The following KAZN variants were observed in gnomAD, a reference collection of about 807,000 sequenced individuals.
KAZN encodes kazrin.
In KAZN, 40 loss-of-function variants were observed where a neutral mutation model predicts 87.4. The ratio of observed to expected loss-of-function variants is 0.46; its 90% CI spans 0.36 to 0.60. The LOEUF (loss-of-function observed/expected upper bound fraction) is 0.60, where lower values mean the gene tolerates loss of function less well. Ranked by LOEUF, KAZN falls within the 20% of genes least tolerant of loss-of-function variation. The pLI, the probability that KAZN is intolerant of heterozygous loss-of-function variation, is 0.00. For synonymous variants in KAZN, 466 were observed against 458.3 expected (o/e 1.02, Z -0.22); for missense variants, 898 against 1,073.9 (o/e 0.84, Z 2.29).
chr1:14,820,413 C>A lies in KAZN; in HGVS notation c.227-140271C>A, dbSNP rs1646705956. On this transcript the variant is annotated intron_variant, in intron 1 of 14. Transcript: ENST00000376030. This position sits in a 1 kb window ranked among gnomAD's most constrained non-coding sequence, Gnocchi z 4.1. ...TGAGAGCCCATCTCCATCTGCCAGC[C>A]TGGAAGCAGCCATGGCAAATGGGAT... is the stretch of plus-strand genomic sequence containing the variant. 6.6e-6 allele frequency among the ~76,000 whole-genome samples: 1 copy of A among 152,250 alleles called. No homozygotes were observed. The highest frequency in any genetic ancestry group is 6.5e-5 in the Admixed American group (1 of 15,286).
rs373379691 is a variant in KAZN at position 14,859,823 on chromosome 1, C to T, written c.227-100861C>T. 1.1e-4 allele frequency among the ~76,000 whole-genome samples: 16 copies of T among 152,292 alleles called. No individual in the cohort carries two copies. The East Asian group carries it at 1.7e-3, about 17-fold the overall frequency. ...TCCTATTCCCACTATTTCCCCTTAG[C>T]GCTCTGATTATCAGCCTTCAAATCT... On this transcript the variant is annotated intron_variant, in intron 1 of 14. Transcript: ENST00000376030.
In KAZN at chr1:14,209,311, G is replaced by A. The variant is rs937632866; in HGVS notation, c.249+28719G>A. ...CACCCACCAGTTAGGTGACTTACTCGCTACTCCTTGGTGTGGCATGGGGGA... is the reference window on the plus strand; with the variant it reads ...CACCCACCAGTTAGGTGACTTACTCACTACTCCTTGGTGTGGCATGGGGGA... On this transcript the variant is annotated intron_variant, in intron 2 of 16. Transcript: ENST00000636203. 7.2e-5 allele frequency among the ~76,000 whole-genome samples: 11 copies of A among 152,264 alleles called. No individual in the cohort carries two copies. In the South Asian group the frequency reaches 1.2e-3, roughly 17 times the overall value.
intron 2 of KAZN, among the ~76,000 whole-genome samples, chr1:14,405,873 C>T (rs1663809050): frequency 6.8e-6 from 1 of 146,948 alleles, no homozygotes; most frequent in Non-Finnish European, 1.5e-5. Context: ...GGAGGATCAA[C>T]CTTTTTGTTC....
chr1:14,593,491 A>C (rs982118726), intron 2 of KAZN, among the ~76,000 whole-genome samples: 1 of 152,182 alleles, frequency 6.6e-6, no homozygotes, highest in Non-Finnish European at 1.5e-5. Flanking sequence ...AATTAGCTCA[A>C]GAAAAGGGCA....
chr1:13,974,451 G>A (rs1642244235), intron 1 of KAZN, among the ~76,000 whole-genome samples: 1 of 152,168 alleles, frequency 6.6e-6, no homozygotes, highest in Non-Finnish European at 1.5e-5. Context: ...AAGGGTCTTT[G>A]CAGATGTAAT....
intron 2 of KAZN, among the ~76,000 whole-genome samples, chr1:14,569,043 C>G (rs1674702745): frequency 6.6e-6 from 1 of 152,190 alleles, no homozygotes; most frequent in Admixed American, 6.5e-5. Flanking sequence ...GAAAATATCC[C>G]ACAAAAAATT....
At chr1:14,226,676 A>G (rs1177826048) in intron 2 of KAZN, among the ~76,000 whole-genome samples, 3 of 152,222 alleles carry the variant, frequency 2.0e-5, no homozygotes, top group Non-Finnish European at 2.9e-5. Context: ...AGTGGACTGG[A>G]TAAAGAGAAC....
At chr1:14,568,930 A>G (rs1251551808) in intron 2 of KAZN, among the ~76,000 whole-genome samples, 4 of 152,218 alleles carry the variant, frequency 2.6e-5, no homozygotes, top group Non-Finnish European at 4.4e-5. Context: ...TTGCATTTCC[A>G]TTAGCCCTGG....
intron 2 of KAZN, among the ~76,000 whole-genome samples, chr1:14,291,501 A>G (rs531052652): frequency 5.3e-5 from 8 of 152,300 alleles, no homozygotes; most frequent in African/African-American, 1.7e-4. Context: ...CAGGCATGGG[A>G]CATAATCTCC....
chr1:14,386,766 T>C (rs113836108), intron 2 of KAZN, among the ~76,000 whole-genome samples: 1 of 151,906 alleles, frequency 6.6e-6, no homozygotes, highest in African/African-American at 2.4e-5. Context: ...TCATTTCAAC[T>C]TCGGTGAATC....
At chr1:14,550,110 G>A (rs1673412293) in intron 2 of KAZN, among the ~76,000 whole-genome samples, 1 of 152,200 alleles carries the variant, frequency 6.6e-6, no homozygotes, top group South Asian at 2.1e-4. Context: ...TTGGCTAGAG[G>A]GAGCCACTCT....
At chr1:13,893,576 G>C (rs538326640) in exon 1 of KAZN, 107 of 1,515,022 alleles carry the variant, frequency 7.1e-5, no homozygotes, top group Non-Finnish European at 9.2e-5. Context: ...CAGATCTGCA[G>C]TTCCTGGGCC....
intron 2 of KAZN, among the ~76,000 whole-genome samples, chr1:14,408,086 A>T (rs1357358601): frequency 6.6e-6 from 1 of 152,194 alleles, no homozygotes; most frequent in African/African-American, 2.4e-5. Flanking sequence ...GGTTTTGCAC[A>T]AGCTGAGAAT....
intron 1 of KAZN, among the ~76,000 whole-genome samples, chr1:14,721,687 G>C (rs1643117056): frequency 6.6e-6 from 1 of 152,118 alleles, no homozygotes; most frequent in Admixed American, 6.5e-5. Context: ...CACATTTCTG[G>C]GTTTTCAAAA....
intron 1 of KAZN, among the ~76,000 whole-genome samples, chr1:14,633,884 C>T (rs10927474): frequency 6.7e-6 from 1 of 149,918 alleles, no homozygotes; most frequent in African/African-American, 2.5e-5. Flanking sequence ...CTCTCTCTCT[C>T]TATATATATA....
chr1:14,904,665 C>G lies in KAZN; in HGVS notation c.227-56019C>G, dbSNP rs1656307815. On this transcript the variant is annotated intron_variant, in intron 1 of 14. Coordinates refer to ENST00000376030, the MANE Select transcript of KAZN (RefSeq NM_201628.3). ...GGTACAAACTGAGTCATTTCCCACC[C>G]ATCTGGAATAACGGCATCTTCCTCC... Among the ~76,000 whole-genome samples the G allele has an allele frequency of 3.3e-5, 5 of 152,342 alleles. No homozygotes were observed. In the South Asian group the frequency reaches 1.0e-3, roughly 32 times the overall value.
rs191624314 is a variant in KAZN, at chr1:13,923,949, C to G, written c.91+30193C>G. Among the ~76,000 whole-genome samples, 351 of 151,602 alleles carry G rather than the reference C, an allele frequency of 2.3e-3. 2 individuals carry two copies. The highest frequency in any genetic ancestry group is 8.3e-3 in the African/African-American group (345 of 41,500). ...AGGGCAAGAGAAGAGTGGATGCTGA[C>G]CATGCGGGTCTCCCCTGGATGGCCC... On this transcript the variant is annotated intron_variant, in intron 1 of 16. Coordinates refer to the KAZN transcript ENST00000636203.
Position 15,066,359 on chromosome 1 carries a change from GT to G in KAZN, c.1222+607del. 1 of 983,950 alleles carries G rather than the reference GT, an allele frequency of 1.0e-6. No individual in the cohort carries two copies. The highest frequency in any genetic ancestry group is 1.2e-6 in the Non-Finnish European group (1 of 829,778). 61.0% of individuals were successfully genotyped at this position (983,950 alleles called of 1,614,324 possible). ...CCTCCCGCCCCCCTGGTGTGAACGT[GT>G]GGGACCAGACCCTGTCCTGGGGGTG... On this transcript the variant is annotated intron_variant, in intron 8 of 14. Coordinates refer to ENST00000376030, the MANE Select transcript of KAZN (RefSeq NM_201628.3). The surrounding 1 kb of genome is among the most constrained non-coding windows in gnomAD (Gnocchi z 4.3).
Position 14,211,513 on chromosome 1 carries a change from C to T in KAZN, c.249+30921C>T, listed in dbSNP as rs535692899. On this transcript the variant is annotated intron_variant, in intron 2 of 16. Transcript: ENST00000636203. ...TGCTGGGGTTACAGGCGTGAGCCAC[C>T]GTGCCGGGCCTATCTTTTTTTAATT... Among the ~76,000 whole-genome samples, 411 of 152,232 alleles carry T rather than the reference C, an allele frequency of 2.7e-3. 2 individuals are homozygous for T. Among genetic ancestry groups the T allele is most frequent in the Non-Finnish European group, 4.6e-3 (311 of 67,998 alleles).
Sources: gnomAD v4.1 joint callset for allele counts (sites outside exome capture counted in the v4.1 genomes callset) on GRCh38, gnomAD v4.1.1 for gene constraint, Gnocchi (gnomAD v3.1) non-coding constraint, MANE v1.5 for transcripts, NCBI Gene and HGNC (gene_info 2026-07-23, HGNC 2026-07-21) for gene names.